NTNG2: variants seen among roughly 807,000 people sequenced by gnomAD.
NTNG2 encodes the protein netrin-G2.
NTNG2 carries 15 observed loss-of-function variants against 47.6 expected under a neutral mutation model. The observed-to-expected ratio is 0.32, with a 90% CI of 0.21 to 0.49. The LOEUF is 0.49. Ranked by LOEUF, NTNG2 falls within the 20% of genes least tolerant of loss-of-function variation. NTNG2 has a pLI of 0.99. For missense variants in NTNG2, 578 were observed against 764.6 expected, an observed-to-expected ratio of 0.76 and a Z score of 2.88; for synonymous variants, 307 against 324.6, an observed-to-expected ratio of 0.95 and a Z score of 0.58.
At position 132,197,989 on chromosome 9, in the gene NTNG2, C is replaced by T. The variant is rs748638877; in HGVS notation, c.237C>T (p.Asn79=). 2.5e-6 allele frequency: 4 copies of T among 1,612,916 alleles called. No individual in the cohort carries two copies. Among genetic ancestry groups the T allele is most frequent in the Admixed American group, 1.7e-5 (1 of 59,996 alleles). Residue 79 remains asparagine (N), a synonymous_variant, in exon 3 of 8, where the codon AAC becomes AAT. Transcript: ENST00000393229. This position sits in a 1 kb window ranked among gnomAD's most constrained non-coding sequence, Gnocchi z 4.3. ...AGGAGAATCCCTACCTATGCAGCAA[C>T]GAGTGTGACGCCTCCAACCCGGACC... ...CSHENPYLCS[N]ECDASNPDLA...
At position 132,208,454 on chromosome 9, in the gene NTNG2, G is replaced by A. The variant is rs1839336232; in HGVS notation, c.857+9845G>A. 6.6e-6 allele frequency among the ~76,000 whole-genome samples: 1 copy of A among 152,194 alleles called. No homozygotes were observed. Reference sequence around the variant, plus strand: ...TCCGGTGTTTGGAAATCTGAGTTGGGGGTGGCGGTGCTGGAGGCCTGCAGG... The same window carrying A: ...TCCGGTGTTTGGAAATCTGAGTTGGAGGTGGCGGTGCTGGAGGCCTGCAGG... On this transcript the variant is annotated intron_variant, in intron 3 of 7. Coordinates refer to ENST00000393229, the MANE Select transcript of NTNG2 (RefSeq NM_032536.4). The surrounding 1 kb of genome is among the most constrained non-coding windows in gnomAD (Gnocchi z 4.0).
chr9:132,205,246 C>T (rs909815793), intron 3 of NTNG2, among the ~76,000 whole-genome samples: 2 of 152,126 alleles, frequency 1.3e-5, no homozygotes, highest in Non-Finnish European at 2.9e-5. Flanking sequence ...TAAAATGTGA[C>T]CCATCCATAT....
At chr9:132,210,067 G>A (rs1000289573) in intron 3 of NTNG2, among the ~76,000 whole-genome samples, 3 of 152,086 alleles carry the variant, frequency 2.0e-5, no homozygotes, top group Non-Finnish European at 4.4e-5. Context: ...ACCTTCTAGA[G>A]ACTCCATGTC....
intron 4 of NTNG2, among the ~76,000 whole-genome samples, chr9:132,227,411 G>A (rs868618385): frequency 2.6e-5 from 4 of 152,170 alleles, no homozygotes; most frequent in Non-Finnish European, 4.4e-5. Flanking sequence ...GCAACCCTTC[G>A]CCTTCTTGAC....
intron 3 of NTNG2, among the ~76,000 whole-genome samples, chr9:132,203,308 C>T (rs1241835212): frequency 6.6e-6 from 1 of 151,836 alleles, no homozygotes; most frequent in Admixed American, 6.6e-5. Context: ...CCACAGCACT[C>T]CAGCCTGGGT....
At chr9:132,239,475 C>A (rs1841847196) in intron 6 of NTNG2, among the ~76,000 whole-genome samples, 1 of 152,258 alleles carries the variant, frequency 6.6e-6, no homozygotes, top group Admixed American at 6.5e-5. Context: ...CCTTGCGGTT[C>A]TCCGGTAAGT....
At chr9:132,211,062 AC>A (rs1839554498) in intron 3 of NTNG2, among the ~76,000 whole-genome samples, 1 of 152,130 alleles carries the variant, frequency 6.6e-6, no homozygotes, top group Non-Finnish European at 1.5e-5. Context: ...ACAGACGCGG[AC>A]CCACAGGGTG....
rs572652811 is a variant in NTNG2 at position 132,236,741 on chromosome 9, C to T, written c.1055-2363C>T. Reference sequence around the variant, plus strand: ...GGCACCACAGACCCCCAGAGGGAAGCCAAGGTAGTGACGATCCCGGGACAG... The same window carrying T: ...GGCACCACAGACCCCCAGAGGGAAGTCAAGGTAGTGACGATCCCGGGACAG... On this transcript the variant is annotated intron_variant, in intron 5 of 7. Transcript: ENST00000393229. The surrounding 1 kb of genome is among the most constrained non-coding windows in gnomAD (Gnocchi z 4.3). Among the ~76,000 whole-genome samples the T allele has an allele frequency of 1.3e-5, 2 of 152,334 alleles. No homozygotes were observed. The highest frequency in any genetic ancestry group is 4.1e-4 in the South Asian group (2 of 4,824).
chr9:132,225,232 G>GTTTTGT (rs1554792722), intron 3 of NTNG2, among the ~76,000 whole-genome samples: 1 of 150,516 alleles, frequency 6.6e-6, no homozygotes, highest in African/African-American at 2.4e-5. Context: ...GTTTTGTCTT[G>GTTTTGT]TTTTGTTTTT....
At position 132,166,707 on chromosome 9, in the gene NTNG2, G is replaced by T; in HGVS notation, c.-125G>T. The T allele has an allele frequency of 1.2e-6, 1 of 855,302 alleles. No individual in the cohort carries two copies. Among genetic ancestry groups the T allele is most frequent in the East Asian group, 2.5e-5 (1 of 40,566 alleles). The allele number at this position is 855,302 out of a possible 1,614,324, so 53.0% of individuals were successfully genotyped here. A position where few individuals can be genotyped will look rare whatever the true frequency, so the allele number is the denominator to read the frequency against. On this transcript the variant is annotated 5_prime_UTR_variant, in exon 2 of 8. Coordinates refer to ENST00000393229, the MANE Select transcript of NTNG2 (RefSeq NM_032536.4). The stretch of plus-strand genomic sequence containing the variant: ...GCAAAGCTTCAGTGCTCGGGTCCCT[G>T]GGACACCCCGGCCACCCTCGCCTGG...
At position 132,171,918 on chromosome 9, in the gene NTNG2, C is replaced by T. The variant is rs548630531; in HGVS notation, c.213+4874C>T. ...ACAACCCTCCAGTCGGCAGATGTTT[C>T]CAGGTATGACCTCATGCCAGGCACA... is the stretch of plus-strand genomic sequence containing the variant. On this transcript the variant is annotated intron_variant, in intron 2 of 7. Transcript: ENST00000393229. Among the ~76,000 whole-genome samples, 5 of 152,366 alleles carry T rather than the reference C, an allele frequency of 3.3e-5. No individual in the cohort carries two copies. The South Asian group carries it at 1.0e-3, about 32-fold the overall frequency.
rs1486751782 is a variant in NTNG2 at position 132,174,117 on chromosome 9, T to TGGAGAGAC, written c.213+7076_213+7077insGAGACGGA. On this transcript the variant is annotated intron_variant, in intron 2 of 7. Coordinates refer to ENST00000393229, the MANE Select transcript of NTNG2 (RefSeq NM_032536.4). Reference sequence around the variant, plus strand: ...AGGCCGCACCATGCTGCGGATGAGATGGACAGACGGACAGATAGGCAGGCC... The same window carrying TGGAGAGAC: ...AGGCCGCACCATGCTGCGGATGAGATGGAGAGACGGACAGACGGACAGATAGGCAGGCC... 2.1e-4 allele frequency among the ~76,000 whole-genome samples: 14 copies of TGGAGAGAC among 66,896 alleles called. 1 individual carries two copies. The East Asian group carries it at 5.8e-3, about 28-fold the overall frequency. The allele number at this position is 66,896 out of a possible 152,430, so 43.9% of individuals were successfully genotyped here.
At chr9:132,184,947 A>G (rs544128189) in intron 2 of NTNG2, among the ~76,000 whole-genome samples, 34 of 152,332 alleles carry the variant, frequency 2.2e-4, no homozygotes, top group African/African-American at 7.2e-4. Context: ...TGGAAAGACA[A>G]GGGAGAGAGG....
Position 132,163,379 on chromosome 9 carries a change from CAGGGGCCGGATAA to C in NTNG2, c.-484+1145_-484+1157del, listed in dbSNP as rs1181594349. ...TCCAGGGCTCCCGCGGGCGGGGACC[CAGGGGCCGGATAA>C]AGGGCCCGCTCCGGAGCGGGGGGAC... On this transcript the variant is annotated intron_variant, in intron 1 of 7. Coordinates refer to ENST00000393229, the MANE Select transcript of NTNG2 (RefSeq NM_032536.4). This position sits in a 1 kb window ranked among gnomAD's most constrained non-coding sequence, Gnocchi z 7.2. Among the ~76,000 whole-genome samples the C allele has an allele frequency of 6.6e-6, 1 of 151,304 alleles. No individual in the cohort carries two copies. The highest frequency in any genetic ancestry group is 2.4e-5 in the African/African-American group (1 of 41,212).
chr9:132,199,854 G>C (rs909955612), intron 3 of NTNG2, among the ~76,000 whole-genome samples: 2 of 152,230 alleles, frequency 1.3e-5, no homozygotes, highest in Non-Finnish European at 2.9e-5. Context: ...GCTCTGGAGA[G>C]GAATGTGTTT....
intron 2 of NTNG2, among the ~76,000 whole-genome samples, chr9:132,168,164 G>A (rs1835635436): frequency 6.6e-6 from 1 of 152,244 alleles, no homozygotes. Flanking sequence ...CCAGGAGGTG[G>A]CGAAGCTGTG....
chr9:132,234,544 G>A (rs543430968), intron 5 of NTNG2, among the ~76,000 whole-genome samples: 5 of 152,220 alleles, frequency 3.3e-5, no homozygotes, highest in African/African-American at 1.2e-4. Flanking sequence ...CTCCCAACAG[G>A]TGCTTCGGGC....
In NTNG2 at chr9:132,231,437, C is replaced by A; in HGVS notation, c.1054+842C>A. Reference sequence around the variant, plus strand: ...GGTGCACCGTCACCCTCCACCAGGGCTCTGTGGGGCCCCACATCCCACCCA... The same window carrying A: ...GGTGCACCGTCACCCTCCACCAGGGATCTGTGGGGCCCCACATCCCACCCA... On this transcript the variant is annotated intron_variant, in intron 5 of 7. Coordinates refer to ENST00000393229, the MANE Select transcript of NTNG2 (RefSeq NM_032536.4). This position sits in a 1 kb window ranked among gnomAD's most constrained non-coding sequence, Gnocchi z 4.1. 2.4e-6 allele frequency: 1 copy of A among 422,452 alleles called. No homozygotes were observed. Among genetic ancestry groups the A allele is most frequent in the Non-Finnish European group, 4.8e-6 (1 of 209,608 alleles). The allele number at this position is 422,452 out of a possible 1,614,324, so 26.2% of individuals were successfully genotyped here.
At chr9:132,162,033 G>C (rs1369448175), upstream of NTNG2, 1 of 149,378 alleles carries the variant, frequency 6.7e-6, no homozygotes, top group Non-Finnish European at 1.5e-5. The surrounding 1 kb of genome is among the most constrained non-coding windows in gnomAD (Gnocchi z 4.6). Flanking sequence ...CGGCCCCCCC[G>C]GCGGCCGGAG....
Sources: allele counts gnomAD v4.1 joint callset (sites outside exome capture counted in the v4.1 genomes callset), GRCh38; gene constraint gnomAD v4.1.1; non-coding constraint Gnocchi (gnomAD v3.1); transcripts MANE v1.5; gene names NCBI Gene and HGNC (gene_info 2026-07-23, HGNC 2026-07-21).